The following UFD1 variants were observed in gnomAD, a reference collection of about 807,000 sequenced individuals.
The protein encoded by UFD1 is ubiquitin recognition factor in ER associated degradation 1.
In UFD1, 13 loss-of-function variants were observed where a neutral mutation model predicts 45.9. The ratio of observed to expected loss-of-function variants is 0.28; its 90% CI spans 0.18 to 0.45. UFD1 has a LOEUF of 0.45. UFD1 is among the 20% of genes least tolerant of loss of function. The pLI is 1.00. For synonymous variants in UFD1, 128 were observed against 139.2 expected, an observed-to-expected ratio of 0.92 and a Z score of 0.56; for missense variants, 218 against 389.2, an observed-to-expected ratio of 0.56 and a Z score of 3.70.
Position 19,463,270 on chromosome 22 carries a change from T to C in UFD1, c.495+1932A>G, listed in dbSNP as rs2089779803. On this transcript the variant is annotated intron_variant, in intron 6 of 11. Transcript: ENST00000263202. ...CTCATATGTTCCATCCCCTTGCTCC[T>C]CTGTGTGAAATTCTGTTATTTCTTC... Among the ~76,000 whole-genome samples the C allele has an allele frequency of 2.6e-5, 4 of 152,370 alleles. No individual in the cohort carries two copies. The South Asian group carries it at 8.3e-4, about 32-fold the overall frequency.
chr22:19,466,068 A>G (rs762031175), intron 5 of UFD1: 3 of 152,258 alleles, frequency 2.0e-5, no homozygotes, highest in African/African-American at 2.4e-5. Context: ...TGTGAGTCCA[A>G]CTTGAGGGTG....
chr22:19,453,268 A>G (rs2089697246), intron 11 of UFD1: 1 of 985,310 alleles, frequency 1.0e-6, no homozygotes, highest in Admixed American at 6.2e-5. Flanking sequence ...ATGGTCTACT[A>G]AGGTACCTGG....
At position 19,450,384 on chromosome 22, in the gene UFD1, G is replaced by T; in HGVS notation, c.*286C>A. ...TTAGGGATGCAGAATTGCTCCTGCT[G>T]AGGCAGTGGGAGCTCCCCTCAAGCT... On this transcript the variant is annotated 3_prime_UTR_variant, in exon 12 of 12. Transcript: ENST00000263202. The T allele has an allele frequency of 2.6e-6, 1 of 378,188 alleles. No homozygotes were observed. The highest frequency in any genetic ancestry group is 4.0e-5 in the South Asian group (1 of 24,692). The allele number at this position is 378,188 out of a possible 1,614,324, so 23.4% of individuals were successfully genotyped here.
intron 11 of UFD1, chr22:19,451,434 A>G (rs549125351): frequency 2.0e-6 from 2 of 985,356 alleles, no homozygotes; most frequent in African/African-American, 3.5e-5. Flanking sequence ...TGCTTTTAAC[A>G]TATAGAGACC....
chr22:19,479,118 C>G lies in UFD1; in HGVS notation c.-33G>C. ...ACCACCTGGCAGACTCCGCTCCTCTCAGGCAATGCAACGAAGAAACCCCGC... is the reference window on the plus strand; with the variant it reads ...ACCACCTGGCAGACTCCGCTCCTCTGAGGCAATGCAACGAAGAAACCCCGC... On this transcript the variant is annotated 5_prime_UTR_variant, in exon 1 of 12. Transcript: ENST00000263202. The G allele has an allele frequency of 1.2e-6, 2 of 1,610,142 alleles. No individual in the cohort carries two copies. The highest frequency in any genetic ancestry group is 1.7e-6 in the Non-Finnish European group (2 of 1,178,790).
intron 1 of UFD1, among the ~76,000 whole-genome samples, chr22:19,477,703 A>T (rs112019699): frequency 1.1e-4 from 17 of 151,926 alleles, no homozygotes; most frequent in African/African-American, 4.1e-4. Flanking sequence ...CTAAAAAAAA[A>T]TCTGTATTAG....
At chr22:19,451,459 A>C (rs2089682235) in intron 11 of UFD1, 1 of 985,306 alleles carries the variant, frequency 1.0e-6, no homozygotes, top group Admixed American at 6.1e-5. Flanking sequence ...AGCCCTCAGA[A>C]ACATTCCACT....
At chr22:19,474,347 C>A (rs2089866273) in intron 3 of UFD1, among the ~76,000 whole-genome samples, 2 of 152,052 alleles carry the variant, frequency 1.3e-5, no homozygotes, top group South Asian at 4.1e-4. Flanking sequence ...GAGTTCAAGA[C>A]CAGCCTGCCC....
At chr22:19,451,671 A>G (rs891783585) in intron 11 of UFD1, 4 of 985,364 alleles carry the variant, frequency 4.1e-6, no homozygotes, top group Middle Eastern at 5.2e-4. Context: ...TATACCTGCA[A>G]TAGAGCACTG....
rs1601882643 is a variant in UFD1 at position 19,450,567 on chromosome 22, G to A, written c.*103C>T. 1 of 1,393,968 alleles carries A rather than the reference G, an allele frequency of 7.2e-7. No homozygotes were observed. Among genetic ancestry groups the A allele is most frequent in the African/African-American group, 1.4e-5 (1 of 69,564 alleles). The allele number at this position is 1,393,968 out of a possible 1,614,324, so 86.3% of individuals were successfully genotyped here. A position where few individuals can be genotyped will look rare whatever the true frequency, so the allele number is the denominator to read the frequency against. ...AACTCTAAATAAATCTTAAGTAACA[G>A]AGTATTCTCTGATGAGGCTCGTCCC... On this transcript the variant is annotated 3_prime_UTR_variant, in exon 12 of 12. Coordinates refer to ENST00000263202, the MANE Select transcript of UFD1 (RefSeq NM_005659.7).
intron 3 of UFD1, among the ~76,000 whole-genome samples, chr22:19,472,648 G>A (rs1156776217): frequency 6.6e-6 from 1 of 152,224 alleles, no homozygotes; most frequent in African/African-American, 2.4e-5. Context: ...AGACCGAGAA[G>A]GAACTGATGG....
rs2089667968 is a variant in UFD1, at chr22:19,450,014, C to G, written c.*656G>C. On this transcript the variant is annotated 3_prime_UTR_variant, in exon 12 of 12. Coordinates refer to ENST00000263202, the MANE Select transcript of UFD1 (RefSeq NM_005659.7). ...GTTCATTCTAACATTCACATGTTTG[C>G]TTCTCCATGGAGTTGTTTCACTATG... The G allele has an allele frequency of 6.6e-6, 1 of 152,154 alleles. No individual in the cohort carries two copies. Among genetic ancestry groups the G allele is most frequent in the African/African-American group, 2.4e-5 (1 of 41,418 alleles). 9.4% of individuals were successfully genotyped at this position (152,154 alleles called of 1,614,324 possible). A position where few individuals can be genotyped will look rare whatever the true frequency, so the allele number is the denominator to read the frequency against.
rs1039243467 is a variant in UFD1 at position 19,450,588 on chromosome 22, G to A, written c.*82C>T. 3.1e-5 allele frequency: 48 copies of A among 1,535,590 alleles called. No individual in the cohort carries two copies. The highest frequency in any genetic ancestry group is 1.2e-4 in the Admixed American group (7 of 58,078). The stretch of plus-strand genomic sequence containing the variant: ...AACAGAGTATTCTCTGATGAGGCTC[G>A]TCCCTGTCAGTGCCAGTAACTAAAA... On this transcript the variant is annotated 3_prime_UTR_variant, in exon 12 of 12. Coordinates refer to ENST00000263202, the MANE Select transcript of UFD1 (RefSeq NM_005659.7).
chr22:19,467,884 G>A lies in UFD1; in HGVS notation c.411C>T (p.Asn137=). 1 of 1,614,154 alleles carries A rather than the reference G, an allele frequency of 6.2e-7. No individual in the cohort carries two copies. Among genetic ancestry groups the A allele is most frequent in the East Asian group, 2.2e-5 (1 of 44,874 alleles). Residue 137 remains asparagine, a synonymous_variant, in exon 5 of 12, where the codon AAC becomes AAT. Transcript: ENST00000263202. ...PQSPDFLDIT[N]PKAVLENALR... ...TTTGAAAAAGATACACGGCTTTGGG[G>A]TTGGTGATGTCCAGGAAGTCAGGGC...
chr22:19,479,017 CCG>C, intron 1 of UFD1, 64 bp downstream of exon 1: 29 of 1,533,280 alleles, frequency 1.9e-5, no homozygotes, highest in South Asian at 2.3e-5. Context: ...CCGCCCTGCC[CCG>C]CCGGGCCCTA....
In UFD1 at chr22:19,450,575, T is replaced by G; in HGVS notation, c.*95A>C. 1 of 1,472,926 alleles carries G rather than the reference T, an allele frequency of 6.8e-7. No homozygotes were observed. The highest frequency in any genetic ancestry group is 9.4e-7 in the Non-Finnish European group (1 of 1,062,082). The allele number at this position is 1,472,926 out of a possible 1,614,324, so 91.2% of individuals were successfully genotyped here. ...ATAAATCTTAAGTAACAGAGTATTC[T>G]CTGATGAGGCTCGTCCCTGTCAGTG... On this transcript the variant is annotated 3_prime_UTR_variant, in exon 12 of 12. Transcript: ENST00000263202.
chr22:19,454,072 G>C (rs1482741609), intron 11 of UFD1: 9 of 985,598 alleles, frequency 9.1e-6, no homozygotes, highest in Non-Finnish European at 9.6e-6. Flanking sequence ...GCTAGAAGGT[G>C]CTGCCTATAT....
At chr22:19,454,694 C>A in intron 11 of UFD1, 55 bp downstream of exon 11, 2 of 1,612,320 alleles carry the variant, frequency 1.2e-6, no homozygotes, top group South Asian at 2.2e-5. Context: ...TCAGTCATCA[C>A]TAGCAAATAA....
chr22:19,462,260 A>G (rs2089773095), intron 6 of UFD1, among the ~76,000 whole-genome samples: 1 of 152,012 alleles, frequency 6.6e-6, no homozygotes, highest in Non-Finnish European at 1.5e-5. Flanking sequence ...TCAGCCTCCC[A>G]AATTGCTGGG....
Sources: gnomAD v4.1 joint callset for allele counts (sites outside exome capture counted in the v4.1 genomes callset) on GRCh38, gnomAD v4.1.1 for gene constraint, MANE v1.5 for transcripts, NCBI Gene and HGNC (gene_info 2026-07-23, HGNC 2026-07-21) for gene names.